The following IL1RAPL2 variants were observed in gnomAD, a reference collection of about 807,000 sequenced individuals.
IL1RAPL2 encodes interleukin 1 receptor accessory protein like 2, also known as X-linked interleukin-1 receptor accessory protein-like 2.
IL1RAPL2 carries 3 observed loss-of-function variants against 44.1 expected under a neutral mutation model. The observed-to-expected ratio is 0.07, with a 90% CI of 0.03 to 0.18. The LOEUF is 0.18. Among genes scored for constraint, IL1RAPL2 ranks in the 10% least tolerant of loss-of-function variants. IL1RAPL2 has a pLI of 1.00. For missense variants in IL1RAPL2, 391 were observed against 496.4 expected, an observed-to-expected ratio of 0.79 and a Z score of 2.02; for synonymous variants, 181 against 178.8, an observed-to-expected ratio of 1.01 and a Z score of -0.10.
chrX:105,613,633 G>A (rs1010902836), intron 6 of IL1RAPL2, among the ~76,000 whole-genome samples: 1 of 111,492 alleles, frequency 9.0e-6, no homozygotes, highest in Non-Finnish European at 1.9e-5. Flanking sequence ...CCCAGGCCAG[G>A]CCCCATCCAC....
intron 2 of IL1RAPL2, among the ~76,000 whole-genome samples, chrX:104,932,000 T>C (rs12844515): frequency 1.0e-5 from 1 of 100,226 alleles, no homozygotes; most frequent in Non-Finnish European, 2.0e-5. Flanking sequence ...ATATATATTT[T>C]TTTTTTTTTG....
chrX:105,655,927 A>C (rs1265477524), intron 6 of IL1RAPL2, among the ~76,000 whole-genome samples: 1 of 112,173 alleles, frequency 8.9e-6, no homozygotes, highest in Non-Finnish European at 1.9e-5. Context: ...ATGGAAAATG[A>C]GGTATCCATC....
intron 6 of IL1RAPL2, among the ~76,000 whole-genome samples, chrX:105,488,603 C>A (rs943496299): frequency 8.9e-6 from 1 of 112,228 alleles, no homozygotes; most frequent in Admixed American, 9.4e-5. Flanking sequence ...AAACATTAAT[C>A]AGTTTATCTA....
intron 2 of IL1RAPL2, among the ~76,000 whole-genome samples, chrX:105,120,726 G>A (rs947786744): frequency 1.8e-5 from 2 of 112,082 alleles, no homozygotes; most frequent in African/African-American, 6.5e-5. Flanking sequence ...GTCTGCAGAA[G>A]TTTTAAATTA....
chrX:105,730,053 C>T (rs989191650), intron 7 of IL1RAPL2, among the ~76,000 whole-genome samples: 1 of 110,924 alleles, frequency 9.0e-6, no homozygotes, highest in Non-Finnish European at 1.9e-5. Context: ...TTAAATATCC[C>T]ACTTAAAAGA....
At chrX:104,887,605 T>C (rs1461890143) in intron 2 of IL1RAPL2, among the ~76,000 whole-genome samples, 1 of 111,616 alleles carries the variant, frequency 9.0e-6, no homozygotes, top group Non-Finnish European at 1.9e-5. Context: ...CCTACTTAGA[T>C]ACCAGGCACT....
intron 5 of IL1RAPL2, among the ~76,000 whole-genome samples, chrX:105,455,732 T>C (rs1420962311): frequency 4.5e-5 from 5 of 112,224 alleles, no homozygotes; most frequent in Non-Finnish European, 9.4e-5. Flanking sequence ...AGCTCTGTAG[T>C]ATAGTTTGAA....
chrX:104,773,313 A>G (rs1483617230), intron 2 of IL1RAPL2, among the ~76,000 whole-genome samples: 1 of 112,022 alleles, frequency 8.9e-6, no homozygotes, highest in Non-Finnish European at 1.9e-5. Flanking sequence ...CTATATAATA[A>G]TATTGTTATA....
chrX:104,882,604 C>G (rs999035205), intron 2 of IL1RAPL2, among the ~76,000 whole-genome samples: 1 of 111,321 alleles, frequency 9.0e-6, no homozygotes, highest in Non-Finnish European at 1.9e-5. Context: ...TAAAATGGAC[C>G]AATCAGCACT....
chrX:105,004,775 T>C (rs1363986789), intron 2 of IL1RAPL2, among the ~76,000 whole-genome samples: 1 of 111,252 alleles, frequency 9.0e-6, no homozygotes, highest in African/African-American at 3.3e-5. Flanking sequence ...TCGATACTGA[T>C]GTATTACTAC....
chrX:105,501,624 A>AAACAAC (rs892283328), intron 6 of IL1RAPL2, among the ~76,000 whole-genome samples: 4 of 110,530 alleles, frequency 3.6e-5, no homozygotes, highest in African/African-American at 6.6e-5. Flanking sequence ...ACCCTCTTTC[A>AAACAAC]AACAACAACA....
chrX:105,025,303 C>G (rs759207649), intron 2 of IL1RAPL2, among the ~76,000 whole-genome samples: 9 of 111,281 alleles, frequency 8.1e-5, no homozygotes, highest in Admixed American at 1.9e-4. Flanking sequence ...ATTGGGCAAC[C>G]ATGTGGTTAG....
At chrX:105,462,581 T>C (rs1051604791) in intron 5 of IL1RAPL2, among the ~76,000 whole-genome samples, 15 of 111,479 alleles carry the variant, frequency 1.3e-4, no homozygotes, top group Non-Finnish European at 1.9e-4. Context: ...ACATATTTGC[T>C]ATCAGTTTAG....
chrX:105,052,460 T>G (rs1196224495), intron 2 of IL1RAPL2, among the ~76,000 whole-genome samples: 1 of 111,930 alleles, frequency 8.9e-6, no homozygotes, highest in East Asian at 2.8e-4. Flanking sequence ...GAAAGAAAAT[T>G]AGGTGTCTGT....
At chrX:105,704,399 T>A (rs1231731224) in intron 6 of IL1RAPL2, among the ~76,000 whole-genome samples, 1 of 111,583 alleles carries the variant, frequency 9.0e-6, no homozygotes, top group African/African-American at 3.2e-5. Flanking sequence ...AATGGTACCA[T>A]ACATAGGCTA....
chrX:105,113,378 C>T (rs2032821387), intron 2 of IL1RAPL2, among the ~76,000 whole-genome samples: 1 of 112,372 alleles, frequency 8.9e-6, no homozygotes, highest in Admixed American at 9.4e-5. Context: ...ATTATGAGAT[C>T]TTGGGTGTCC....
intron 2 of IL1RAPL2, among the ~76,000 whole-genome samples, chrX:105,037,073 T>G (rs1452134326): frequency 1.8e-5 from 2 of 111,652 alleles, no homozygotes; most frequent in Non-Finnish European, 3.8e-5. Flanking sequence ...AGACATAAAT[T>G]TTTTGAGAAT....
At position 104,740,486 on chromosome X, in the gene IL1RAPL2, G is replaced by A. The variant is rs781655405; in HGVS notation, c.82+81491G>A. 7.2e-5 allele frequency among the ~76,000 whole-genome samples: 8 copies of A among 110,705 alleles called. No homozygotes were observed. The South Asian group carries it at 1.2e-3, about 16-fold the overall frequency. On this transcript the variant is annotated intron_variant, in intron 2 of 10. Transcript: ENST00000372582. ...TGTTAGATTTATCTCCTCTATGTAC[G>A]TTTTCAAAGTAATAACCTGAGCTTT...
At chrX:105,301,270 T>G (rs988781331) in intron 5 of IL1RAPL2, among the ~76,000 whole-genome samples, 2 of 111,629 alleles carry the variant, frequency 1.8e-5, no homozygotes, top group East Asian at 2.8e-4. Context: ...TTAATTTTTA[T>G]TTTTTGTAGG....
Sources: allele counts gnomAD v4.1 joint callset (sites outside exome capture counted in the v4.1 genomes callset), GRCh38; gene constraint gnomAD v4.1.1; transcripts MANE v1.5; gene names NCBI Gene and HGNC (gene_info 2026-07-23, HGNC 2026-07-21).